The following ZNF385D variants were observed in gnomAD, a reference collection of about 807,000 sequenced individuals.
ZNF385D encodes the protein zinc finger protein 659.
In ZNF385D, 15 loss-of-function variants were observed where a neutral mutation model predicts 35.8. The ratio of observed to expected loss-of-function variants is 0.42; its 90% CI spans 0.28 to 0.64. The LOEUF is 0.64. Ranked by LOEUF, ZNF385D falls within the 30% of genes least tolerant of loss-of-function variation. The pLI, the probability that ZNF385D is intolerant of heterozygous loss-of-function variation, is 0.23. For missense variants in ZNF385D, 474 were observed against 494.6 expected (o/e 0.96, Z 0.39); for synonymous variants, 212 against 186.8 (o/e 1.13, Z -1.10).
In ZNF385D at chr3:21,418,735, G is replaced by A. The variant is rs1700616158; in HGVS notation, c.*2479C>T. On this transcript the variant is annotated 3_prime_UTR_variant, in exon 8 of 8. Coordinates refer to ENST00000281523, the MANE Select transcript of ZNF385D (RefSeq NM_024697.3). ...AAGAACAGCAAAAGCACGTTTTAGT[G>A]AGACTGCTTTAATTAACACTAAGTT... 6.6e-6 allele frequency: 1 copy of A among 152,220 alleles called. No homozygotes were observed. The highest frequency in any genetic ancestry group is 6.5e-5 in the Admixed American group (1 of 15,280). The allele number at this position is 152,220 out of a possible 1,614,324, so 9.4% of individuals were successfully genotyped here. A position where few individuals can be genotyped will look rare whatever the true frequency, so the allele number is the denominator to read the frequency against.
At chr3:21,593,181 A>C (rs1206119604) in intron 2 of ZNF385D, among the ~76,000 whole-genome samples, 1 of 151,958 alleles carries the variant, frequency 6.6e-6, no homozygotes. Context: ...AACTCAACTC[A>C]CTTACTGTTT....
At position 21,816,507 on chromosome 3, in the gene ZNF385D, A is replaced by ACTTCAGCAAAGTCTCAAG. The variant is rs1378953034; in HGVS notation, c.326-151480_326-151479insCTTGAGACTTTGCTGAAG. ...TCTCAAGATACAAAATCAATATGCA[A>ACTTCAGCAAAGTCTCAAG]ATATCACAAGCATTCCTATGCACCA... On this transcript the variant is annotated intron_variant, in intron 3 of 5. Transcript: ENST00000494108. Among the ~76,000 whole-genome samples the ACTTCAGCAAAGTCTCAAG allele has an allele frequency of 1.2e-4, 18 of 152,298 alleles. No individual in the cohort carries two copies. In the Middle Eastern group the frequency reaches 0.014, roughly 116 times the overall value.
At chr3:21,750,652 G>GC (rs1388996020) in intron 1 of ZNF385D, among the ~76,000 whole-genome samples, 2 of 142,462 alleles carry the variant, frequency 1.4e-5, no homozygotes, top group Non-Finnish European at 3.0e-5. Context: ...TTACCCCCCC[G>GC]CCCCCTCCAC....
At chr3:22,029,547 C>G (rs1332152439) in intron 3 of ZNF385D, among the ~76,000 whole-genome samples, 1 of 152,216 alleles carries the variant, frequency 6.6e-6, no homozygotes, top group South Asian at 2.1e-4. Context: ...ACATGACCAG[C>G]TATGGAAACG....
At chr3:22,077,843 A>T (rs1021945114) in intron 3 of ZNF385D, among the ~76,000 whole-genome samples, 1 of 151,894 alleles carries the variant, frequency 6.6e-6, no homozygotes, top group African/African-American at 2.4e-5. Context: ...GTGATAGGTT[A>T]CTATTTATTC....
intron 2 of ZNF385D, among the ~76,000 whole-genome samples, chr3:21,611,362 G>A (rs1225957497): frequency 6.6e-6 from 1 of 152,140 alleles, no homozygotes; most frequent in Non-Finnish European, 1.5e-5. Context: ...ATCCAGGTGG[G>A]CTGTTCCTAC....
intron 3 of ZNF385D, among the ~76,000 whole-genome samples, chr3:22,041,053 C>T (rs950133102): frequency 1.3e-5 from 2 of 151,964 alleles, no homozygotes; most frequent in African/African-American, 4.8e-5. Flanking sequence ...TAAAGGTAAA[C>T]ACATGAAGGG....
Position 21,424,061 on chromosome 3 carries a change from T to C in ZNF385D, c.856A>G (p.Ile286Val), listed in dbSNP as rs557993216. The change falls in exon 7 of 8, where the codon ATT (isoleucine) becomes GTT (valine). Residue 286 changes from isoleucine to valine, a missense_variant. Transcript: ENST00000281523. ...VNSETQLKQH[I>V]SSRRHKDRAA... ...CTGTCTTTGTGCCTTCTACTGCTAATGTGCTATTAAAAGTAATTTAAAATG... is the reference window on the plus strand; with the variant it reads ...CTGTCTTTGTGCCTTCTACTGCTAACGTGCTATTAAAAGTAATTTAAAATG... The C allele has an allele frequency of 2.6e-5, 41 of 1,577,270 alleles. No homozygotes were observed. Among genetic ancestry groups the C allele is most frequent in the Non-Finnish European group, 3.3e-5 (38 of 1,168,284 alleles).
intron 2 of ZNF385D, among the ~76,000 whole-genome samples, chr3:22,288,618 C>G (rs1375178641): frequency 6.6e-6 from 1 of 151,992 alleles, no homozygotes; most frequent in African/African-American, 2.4e-5. Flanking sequence ...TGTTGAAATT[C>G]TCAGTTTGTT....
intron 2 of ZNF385D, among the ~76,000 whole-genome samples, chr3:21,584,791 C>CATCA: frequency 6.6e-6 from 1 of 152,246 alleles, no homozygotes; most frequent in East Asian, 1.9e-4. Context: ...CTTATTCATC[C>CATCA]ATCATTCTAC....
At chr3:21,592,348 A>G (rs543787607) in intron 2 of ZNF385D, among the ~76,000 whole-genome samples, 1 of 151,916 alleles carries the variant, frequency 6.6e-6, no homozygotes. Context: ...TGATTTATTT[A>G]TCTATTGTGA....
intron 2 of ZNF385D, among the ~76,000 whole-genome samples, chr3:22,178,257 AC>A (rs1694970825): frequency 6.6e-6 from 1 of 152,090 alleles, no homozygotes; most frequent in Non-Finnish European, 1.5e-5. Flanking sequence ...TTGTTTCCTG[AC>A]TTTTTAATGA....
chr3:21,982,600 G>C (rs927638134), intron 3 of ZNF385D, among the ~76,000 whole-genome samples: 4 of 152,048 alleles, frequency 2.6e-5, no homozygotes, highest in African/African-American at 4.8e-5. Context: ...GTTTGCTCTG[G>C]TTAGGACATC....
Position 22,279,748 on chromosome 3 carries a change from C to A in ZNF385D, c.106+92702G>T, listed in dbSNP as rs372482990. 4.0e-5 allele frequency among the ~76,000 whole-genome samples: 6 copies of A among 151,508 alleles called. No individual in the cohort carries two copies. The East Asian group carries it at 7.8e-4, about 20-fold the overall frequency. On this transcript the variant is annotated intron_variant, in intron 2 of 5. Transcript: ENST00000494108. ...TATGAATTCTGCTGCTATAAATATG[C>A]GTGTGCAAGTAACTAATTTGTATAA... is the stretch of plus-strand genomic sequence containing the variant.
At chr3:22,246,100 C>A (rs900580319) in intron 2 of ZNF385D, among the ~76,000 whole-genome samples, 1 of 152,104 alleles carries the variant, frequency 6.6e-6, no homozygotes, top group Non-Finnish European at 1.5e-5. Flanking sequence ...TATGAAACCA[C>A]AGATCATGAG....
At chr3:21,931,722 G>T (rs370239031) in intron 3 of ZNF385D, among the ~76,000 whole-genome samples, 2 of 152,124 alleles carry the variant, frequency 1.3e-5, no homozygotes, top group African/African-American at 4.8e-5. Context: ...AGAGACAAGA[G>T]GGGTATTTGG....
chr3:21,557,195 T>C (rs948351067), intron 3 of ZNF385D, among the ~76,000 whole-genome samples: 1 of 152,172 alleles, frequency 6.6e-6, no homozygotes, highest in Non-Finnish European at 1.5e-5. Context: ...GAACTTCCGA[T>C]GCTATGTTGA....
intron 1 of ZNF385D, among the ~76,000 whole-genome samples, chr3:21,714,757 TCC>T (rs2068246253): frequency 6.6e-6 from 1 of 152,220 alleles, no homozygotes; most frequent in Non-Finnish European, 1.5e-5. Context: ...ACAGCAAAGC[TCC>T]ATGAGAGGGT....
At chr3:22,073,561 A>C (rs996851509) in intron 3 of ZNF385D, among the ~76,000 whole-genome samples, 1 of 151,998 alleles carries the variant, frequency 6.6e-6, no homozygotes, top group Non-Finnish European at 1.5e-5. Context: ...GCAAGGAATA[A>C]AAAAGCAAGG....
Sources: allele counts gnomAD v4.1 joint callset (sites outside exome capture counted in the v4.1 genomes callset), GRCh38; gene constraint gnomAD v4.1.1; transcripts MANE v1.5; gene names NCBI Gene and HGNC (gene_info 2026-07-23, HGNC 2026-07-21).